Variants in TBC1D32 observed in about 807,000 individuals in gnomAD.
TBC1D32 encodes the protein TBC1 domain family member 32.
A neutral mutation model predicts 170.3 loss-of-function variants in TBC1D32; 151 were observed. That is an observed-to-expected ratio of 0.89 (90% CI 0.78 to 1.01). The LOEUF is 1.01. TBC1D32 is among the 50% of genes least tolerant of loss of function. The pLI, the probability that TBC1D32 is intolerant of heterozygous loss-of-function variation, is 0.00. For missense variants in TBC1D32, 1,464 were observed against 1,457.1 expected (o/e 1.00, Z -0.08); for synonymous variants, 498 against 488.0 (o/e 1.02, Z -0.27).
chr6:121,116,423 C>T (rs145342279), intron 26 of TBC1D32, among the ~76,000 whole-genome samples: 160 of 152,218 alleles, frequency 1.1e-3, no homozygotes, highest in Middle Eastern at 3.4e-3. Flanking sequence ...AGGAATGATA[C>T]AGATAAAGTG....
At chr6:121,114,046 C>A (rs1157013710) in intron 27 of TBC1D32, among the ~76,000 whole-genome samples, 2 of 152,024 alleles carry the variant, frequency 1.3e-5, no homozygotes, top group African/African-American at 4.8e-5. Context: ...TGGTGGCATG[C>A]ACCTGTAATC....
In TBC1D32 at chr6:121,242,191, T is replaced by C. The variant is rs775595152; in HGVS notation, c.2157+10A>G. 6.2e-7 allele frequency: 1 copy of C among 1,608,428 alleles called. No homozygotes were observed. Among genetic ancestry groups the C allele is most frequent in the Admixed American group, 1.7e-5 (1 of 59,020 alleles). On this transcript the variant is annotated intron_variant, in intron 18 of 31. Transcript: ENST00000398212. ...AATTCCCTTTGCCTTTGGCAGATGG[T>C]AATTCATACCTGTAATTTTTTTGCA...
rs1562834185 is a variant in TBC1D32, at chr6:121,190,078, ACACACACACAC to A, written c.2570+14986_2570+14996del. Among the ~76,000 whole-genome samples, 185 of 28,190 alleles carry A rather than the reference ACACACACACAC, an allele frequency of 6.6e-3. 2 individuals carry two copies. The highest frequency in any genetic ancestry group is 0.059 in the Middle Eastern group (2 of 34). 18.5% of individuals were successfully genotyped at this position (28,190 alleles called of 152,430 possible). On this transcript the variant is annotated intron_variant, in intron 22 of 31. Coordinates refer to ENST00000398212, the MANE Select transcript of TBC1D32 (RefSeq NM_152730.6). Reference sequence around the variant, plus strand: ...CTTTCTCCTAGCCCAATACAGACACACACACACACACACACACACACACACACACACACACA... The same window carrying A: ...CTTTCTCCTAGCCCAATACAGACACAACACACACACACACACACACACACA...
At chr6:121,275,992 A>G (rs1182987757) in intron 15 of TBC1D32, among the ~76,000 whole-genome samples, 1 of 151,598 alleles carries the variant, frequency 6.6e-6, no homozygotes, top group Non-Finnish European at 1.5e-5. Flanking sequence ...GGTGGTGCAC[A>G]CCTATAGGTC....
intron 15 of TBC1D32, among the ~76,000 whole-genome samples, chr6:121,269,647 C>T (rs1801073092): frequency 6.6e-6 from 1 of 152,034 alleles, no homozygotes; most frequent in Non-Finnish European, 1.5e-5. Flanking sequence ...ACTTACACTC[C>T]CACACAATAA....
At chr6:121,312,357 AT>A (rs967088605) in intron 3 of TBC1D32, among the ~76,000 whole-genome samples, 17 of 152,128 alleles carry the variant, frequency 1.1e-4, no homozygotes, top group African/African-American at 3.4e-4. Context: ...ACTTAAAGTA[AT>A]TTTTTTAAGT....
intron 3 of TBC1D32, among the ~76,000 whole-genome samples, chr6:121,314,851 G>A (rs776284037): frequency 1.3e-5 from 2 of 152,170 alleles, no homozygotes; most frequent in Non-Finnish European, 2.9e-5. Context: ...TCTGAATGGT[G>A]TCCATTTCAG....
chr6:121,222,247 C>T (rs1310337778), intron 21 of TBC1D32, among the ~76,000 whole-genome samples: 1 of 152,122 alleles, frequency 6.6e-6, no homozygotes, highest in Non-Finnish European at 1.5e-5. Flanking sequence ...GTAAACATAA[C>T]TTTTACATGG....
At chr6:121,190,167 C>T (rs1201650286) in intron 22 of TBC1D32, among the ~76,000 whole-genome samples, 2 of 149,290 alleles carry the variant, frequency 1.3e-5, no homozygotes, top group African/African-American at 5.0e-5. Flanking sequence ...CCTTACCTCT[C>T]CTTCCCAACT....
intron 15 of TBC1D32, among the ~76,000 whole-genome samples, chr6:121,271,693 G>A (rs980504436): frequency 1.1e-4 from 16 of 152,066 alleles, no homozygotes; most frequent in Admixed American, 7.9e-4. Context: ...ACTGCCCAAG[G>A]TAATTTATAT....
Position 121,248,296 on chromosome 6 carries a change from C to T in TBC1D32, c.2019-5957G>A, listed in dbSNP as rs75215622. 9.0e-3 allele frequency among the ~76,000 whole-genome samples: 1,360 copies of T among 151,886 alleles called. 25 individuals carry two copies. The highest frequency in any genetic ancestry group is 0.031 in the African/African-American group (1,284 of 41,500). On this transcript the variant is annotated intron_variant, in intron 17 of 31. Transcript: ENST00000398212. ...ATAATAGTGACACAACTTGTCAAAA[C>T]GCCTGGGATACAACAAAAGCAGTGT...
chr6:121,217,089 A>G (rs892948674), intron 21 of TBC1D32, among the ~76,000 whole-genome samples: 1 of 152,238 alleles, frequency 6.6e-6, no homozygotes, highest in Non-Finnish European at 1.5e-5. Flanking sequence ...TGGCCTGTGC[A>G]GAAGACAGAT....
intron 20 of TBC1D32, among the ~76,000 whole-genome samples, chr6:121,223,838 GCCTTTT>G (rs11279810): frequency 0.51 from 76,965 of 151,314 alleles, 22,778 homozygotes; most frequent in Non-Finnish European, 0.69. Context: ...TAAAAGCCAT[GCCTTTT>G]CCTATCAAAG....
At chr6:121,328,273 T>TA (rs1810711172) in intron 1 of TBC1D32, among the ~76,000 whole-genome samples, 1 of 151,922 alleles carries the variant, frequency 6.6e-6, no homozygotes, top group Non-Finnish European at 1.5e-5. Flanking sequence ...TCTAGTTTTT[T>TA]ATTTTTTATT....
At chr6:121,120,466 T>C (rs550815343) in intron 26 of TBC1D32, among the ~76,000 whole-genome samples, 9 of 152,234 alleles carry the variant, frequency 5.9e-5, no homozygotes, top group East Asian at 5.8e-4. Flanking sequence ...GAGATTATTA[T>C]GCTTAAGTCT....
chr6:121,330,761 C>T (rs940131363), intron 1 of TBC1D32, among the ~76,000 whole-genome samples: 1 of 152,080 alleles, frequency 6.6e-6, no homozygotes, highest in East Asian at 1.9e-4. Flanking sequence ...TTCTAAATAG[C>T]CCCCAGATGG....
intron 20 of TBC1D32, among the ~76,000 whole-genome samples, chr6:121,238,133 G>A (rs1225869346): frequency 1.3e-5 from 2 of 151,998 alleles, no homozygotes; most frequent in East Asian, 3.9e-4. Context: ...TCCCCTCTGT[G>A]GGTCTATTTT....
Position 121,290,855 on chromosome 6 carries a change from A to C in TBC1D32, c.1372+1198T>G, listed in dbSNP as rs549011209. On this transcript the variant is annotated intron_variant, in intron 12 of 31. Coordinates refer to ENST00000398212, the MANE Select transcript of TBC1D32 (RefSeq NM_152730.6). Reference sequence around the variant, plus strand: ...ATGAGTTCATGTCTTTTGTAGGGACACAGATGAAGCTAGAAACCATCATTC... The same window carrying C: ...ATGAGTTCATGTCTTTTGTAGGGACCCAGATGAAGCTAGAAACCATCATTC... 2.0e-5 allele frequency among the ~76,000 whole-genome samples: 3 copies of C among 152,306 alleles called. No individual in the cohort carries two copies. The East Asian group carries it at 5.8e-4, about 29-fold the overall frequency.
intron 21 of TBC1D32, among the ~76,000 whole-genome samples, chr6:121,219,581 G>A (rs9490139): frequency 0.011 from 1,731 of 152,204 alleles, 42 homozygotes; most frequent in African/African-American, 0.04. Context: ...CACTGGATCC[G>A]TATAATGTGC....
Sources: gnomAD v4.1 joint callset for allele counts (sites outside exome capture counted in the v4.1 genomes callset) on GRCh38, gnomAD v4.1.1 for gene constraint, MANE v1.5 for transcripts, NCBI Gene and HGNC (gene_info 2026-07-23, HGNC 2026-07-21) for gene names.